GPC5: variants seen among roughly 807,000 people sequenced by gnomAD.
GPC5 encodes the protein glypican 5.
A neutral mutation model predicts 53.9 loss-of-function variants in GPC5; 47 were observed. That is an observed-to-expected ratio of 0.87 (90% CI 0.69 to 1.11). The LOEUF (loss-of-function observed/expected upper bound fraction) is 1.11. GPC5 is among the 50% of genes most tolerant of loss of function. GPC5 has a pLI of 0.00. For synonymous variants in GPC5, 286 were observed against 263.3 expected (o/e 1.09, Z -0.84); for missense variants, 748 against 713.1 (o/e 1.05, Z -0.56).
intron 7 of GPC5, among the ~76,000 whole-genome samples, chr13:92,710,909 T>C (rs1184205334): frequency 6.6e-6 from 1 of 152,348 alleles, no homozygotes; most frequent in Non-Finnish European, 1.5e-5. Flanking sequence ...GACTGAATAA[T>C]GACCCAATTT....
intron 7 of GPC5, among the ~76,000 whole-genome samples, chr13:92,680,929 T>C (rs976230005): frequency 6.6e-6 from 1 of 152,120 alleles, no homozygotes; most frequent in African/African-American, 2.4e-5. Flanking sequence ...TATTTATCTT[T>C]TGCACCTGGA....
chr13:92,317,692 G>A (rs1290737883), intron 7 of GPC5, among the ~76,000 whole-genome samples: 1 of 151,946 alleles, frequency 6.6e-6, no homozygotes, highest in African/African-American at 2.4e-5. Flanking sequence ...ACTAGAGACA[G>A]GGTTTCACCA....
At chr13:91,732,841 G>A (rs535022989) in intron 4 of GPC5, among the ~76,000 whole-genome samples, 37 of 152,164 alleles carry the variant, frequency 2.4e-4, no homozygotes, top group African/African-American at 8.7e-4. Flanking sequence ...TAGATTTGAG[G>A]TGTTATTTCT....
chr13:92,805,315 T>G (rs1877053830), intron 7 of GPC5, among the ~76,000 whole-genome samples: 1 of 152,070 alleles, frequency 6.6e-6, no homozygotes, highest in Non-Finnish European at 1.5e-5. Context: ...AACTCATGCA[T>G]CCACAGGCTG....
At chr13:91,857,609 T>C (rs1452933872) in intron 5 of GPC5, among the ~76,000 whole-genome samples, 1 of 151,220 alleles carries the variant, frequency 6.6e-6, no homozygotes, top group African/African-American at 2.4e-5. Flanking sequence ...TGTGTTTCAT[T>C]CTTTTTTCTT....
intron 6 of GPC5, among the ~76,000 whole-genome samples, chr13:91,958,042 A>C (rs549602318): frequency 1.3e-5 from 2 of 152,182 alleles, no homozygotes; most frequent in East Asian, 3.9e-4. Context: ...ATAACCTTGA[A>C]TATAAACATA....
At chr13:92,156,150 A>T (rs2041943605) in intron 7 of GPC5, among the ~76,000 whole-genome samples, 1 of 151,972 alleles carries the variant, frequency 6.6e-6, no homozygotes. Context: ...CTCCCCAGTG[A>T]TTATTCATAT....
intron 2 of GPC5, among the ~76,000 whole-genome samples, chr13:91,549,559 A>G (rs141774541): frequency 2.2e-4 from 33 of 152,332 alleles, no homozygotes; most frequent in Non-Finnish European, 3.5e-4. Context: ...TTGAGAATCT[A>G]CAATAAGAAC....
At chr13:91,822,723 C>T (rs2038515366) in intron 5 of GPC5, among the ~76,000 whole-genome samples, 1 of 151,970 alleles carries the variant, frequency 6.6e-6, no homozygotes, top group South Asian at 2.1e-4. Context: ...AGATTTGGAT[C>T]ATAGGGTCAA....
intron 5 of GPC5, among the ~76,000 whole-genome samples, chr13:91,831,739 G>A (rs2038662319): frequency 1.3e-5 from 2 of 151,890 alleles, no homozygotes; most frequent in South Asian, 2.1e-4. Context: ...AAATTAGCAG[G>A]TTTTTCAGTT....
intron 7 of GPC5, among the ~76,000 whole-genome samples, chr13:92,840,028 T>C (rs1469896180): frequency 6.8e-6 from 1 of 147,482 alleles, no homozygotes; most frequent in African/African-American, 2.5e-5. Context: ...ATAGCTTTTT[T>C]ACTTATATAT....
chr13:92,372,962 T>C (rs1377948768), intron 7 of GPC5, among the ~76,000 whole-genome samples: 1 of 152,202 alleles, frequency 6.6e-6, no homozygotes, highest in Non-Finnish European at 1.5e-5. Context: ...GTAGATAATA[T>C]CTGATATAAA....
At chr13:91,899,362 A>G (rs544850671) in intron 5 of GPC5, among the ~76,000 whole-genome samples, 7 of 152,306 alleles carry the variant, frequency 4.6e-5, no homozygotes, top group Non-Finnish European at 7.4e-5. Flanking sequence ...TAGAGTAAAA[A>G]CATAAAAGTT....
At chr13:92,774,780 C>A (rs952941392) in intron 7 of GPC5, among the ~76,000 whole-genome samples, 4 of 152,086 alleles carry the variant, frequency 2.6e-5, no homozygotes, top group African/African-American at 9.7e-5. Context: ...CCTAAGGCAA[C>A]AGATTTTTAA....
chr13:92,406,122 CT>C (rs747116211), intron 7 of GPC5, among the ~76,000 whole-genome samples: 10 of 152,310 alleles, frequency 6.6e-5, no homozygotes, highest in Non-Finnish European at 1.5e-4. Context: ...TGCAAACCCA[CT>C]TTACATTTCC....
chr13:92,500,439 C>T (rs1050135206), intron 7 of GPC5, among the ~76,000 whole-genome samples: 2 of 152,048 alleles, frequency 1.3e-5, no homozygotes, highest in Admixed American at 1.3e-4. Context: ...AATCATGCAC[C>T]GCAGATGGTC....
At chr13:92,497,956 G>A (rs960455139) in intron 7 of GPC5, among the ~76,000 whole-genome samples, 8 of 152,044 alleles carry the variant, frequency 5.3e-5, no homozygotes, top group Admixed American at 3.9e-4. Flanking sequence ...TCCTGAGACT[G>A]CTGAAGTTGC....
At chr13:92,753,676 G>A (rs1874700460) in intron 7 of GPC5, among the ~76,000 whole-genome samples, 2 of 152,112 alleles carry the variant, frequency 1.3e-5, no homozygotes, top group South Asian at 4.1e-4. Flanking sequence ...AGAACTACGT[G>A]AAGAATGCAG....
At chr13:92,473,086 G>A (rs1376930507) in intron 7 of GPC5, among the ~76,000 whole-genome samples, 1 of 152,042 alleles carries the variant, frequency 6.6e-6, no homozygotes, top group Admixed American at 6.6e-5. Context: ...GGGGAATAGA[G>A]CAGCATTTCA....
Sources: allele counts gnomAD v4.1 joint callset (sites outside exome capture counted in the v4.1 genomes callset), GRCh38; gene constraint gnomAD v4.1.1; transcripts MANE v1.5; gene names NCBI Gene and HGNC (gene_info 2026-07-23, HGNC 2026-07-21).